Variants in KLHL29 observed in about 807,000 individuals in gnomAD.
KLHL29 encodes kelch like family member 29.
In KLHL29, 21 loss-of-function variants were observed where a neutral mutation model predicts 80.4. The observed-to-expected ratio is 0.26, with a 90% CI of 0.19 to 0.38. The LOEUF (loss-of-function observed/expected upper bound fraction) is 0.38, where lower values mean the gene tolerates loss of function less well. KLHL29 is among the 10% of genes least tolerant of loss of function. The pLI, the probability that KLHL29 is intolerant of heterozygous loss-of-function variation, is 1.00. For missense variants in KLHL29, 867 were observed against 1,223.9 expected, an observed-to-expected ratio of 0.71 and a Z score of 4.35; for synonymous variants, 511 against 526.8, an observed-to-expected ratio of 0.97 and a Z score of 0.41.
intron 3 of KLHL29, among the ~76,000 whole-genome samples, chr2:23,583,555 C>T (rs558640920): frequency 2.0e-5 from 3 of 152,358 alleles, no homozygotes; most frequent in Non-Finnish European, 4.4e-5. Flanking sequence ...TCCCATGTCC[C>T]TCTCAGAAGG....
At chr2:23,673,446 G>GTC (rs34914080) in intron 5 of KLHL29, among the ~76,000 whole-genome samples, 36,513 of 149,700 alleles carry the variant, frequency 0.24, 4,893 homozygotes, top group South Asian at 0.37. Flanking sequence ...ACCACATGCT[G>GTC]TCTCTCTCAC....
At position 23,634,510 on chromosome 2, in the gene KLHL29, C is replaced by T. The variant is rs1056156437; in HGVS notation, c.286-4629C>T. ...CTTCTCGAGGCTTCATTGATTCACC[C>T]TCTTCTGACATCCTTGGGCAAACAG... On this transcript the variant is annotated intron_variant, in intron 3 of 13. Transcript: ENST00000486442. Among the ~76,000 whole-genome samples the T allele has an allele frequency of 2.0e-5, 3 of 152,192 alleles. No individual in the cohort carries two copies. In the East Asian group the frequency reaches 5.8e-4, roughly 29 times the overall value.
intron 5 of KLHL29, among the ~76,000 whole-genome samples, chr2:23,673,433 C>T (rs921737567): frequency 1.4e-5 from 2 of 147,296 alleles, no homozygotes; most frequent in Non-Finnish European, 3.0e-5. Flanking sequence ...TACACACCCC[C>T]ACACCACATG....
At chr2:23,687,794 T>C (rs374114316) in intron 6 of KLHL29, among the ~76,000 whole-genome samples, 1 of 152,124 alleles carries the variant, frequency 6.6e-6, no homozygotes, top group East Asian at 1.9e-4. Flanking sequence ...TCCACGTTGC[T>C]GCAGGGCCGG....
intron 3 of KLHL29, among the ~76,000 whole-genome samples, chr2:23,633,170 G>T (rs914348612): frequency 1.3e-5 from 2 of 152,196 alleles, no homozygotes; most frequent in African/African-American, 4.8e-5. Context: ...TGAAGGTCCG[G>T]GTACAGGGAG....
chr2:23,617,018 A>G (rs1259501542), intron 3 of KLHL29: 1 of 152,252 alleles, frequency 6.6e-6, no homozygotes, highest in African/African-American at 2.4e-5. Context: ...CTGGTGAAAT[A>G]GAAGAATCCT....
intron 1 of KLHL29, among the ~76,000 whole-genome samples, chr2:23,434,817 C>G (rs1663292741): frequency 6.6e-6 from 1 of 152,098 alleles, no homozygotes; most frequent in South Asian, 2.1e-4. Flanking sequence ...GCAGTCAGTC[C>G]AGCTGTGAGC....
intron 8 of KLHL29, among the ~76,000 whole-genome samples, chr2:23,693,909 G>A (rs1411979630): frequency 6.6e-6 from 1 of 152,226 alleles, no homozygotes; most frequent in Admixed American, 6.5e-5. Context: ...CAGGAAGAGG[G>A]AGAGTGAGGT....
intron 5 of KLHL29, chr2:23,667,907 G>C (rs965115943): frequency 2.7e-4 from 41 of 152,478 alleles, no homozygotes; most frequent in African/African-American, 9.6e-4. Context: ...TTCCAGGCCA[G>C]GAGCGGGCCA....
At chr2:23,404,600 G>A (rs974014466) in intron 1 of KLHL29, among the ~76,000 whole-genome samples, 3 of 152,164 alleles carry the variant, frequency 2.0e-5, no homozygotes, top group East Asian at 1.9e-4. Context: ...CTGTAAAAAC[G>A]ATTTGTTTTC....
intron 1 of KLHL29, among the ~76,000 whole-genome samples, chr2:23,469,401 A>G (rs1425871249): frequency 3.0e-4 from 46 of 152,196 alleles, no homozygotes; most frequent in Non-Finnish European, 2.9e-5. Context: ...GCCCTGCCTC[A>G]TGGGGTTCGT....
Position 23,397,236 on chromosome 2 carries a change from A to G in KLHL29, c.-154+11456A>G, listed in dbSNP as rs192967670. Among the ~76,000 whole-genome samples, 307 of 152,318 alleles carry G rather than the reference A, an allele frequency of 2.0e-3. 2 individuals carry two copies. The highest frequency in any genetic ancestry group is 7.3e-3 in the African/African-American group (304 of 41,594). On this transcript the variant is annotated intron_variant, in intron 1 of 13. Transcript: ENST00000486442. Reference sequence around the variant, plus strand: ...CTCCTGTGGCAGGGGCTCCAGCCCCAGTTCTAGATGAGGGCTGTAGTGATG... The same window carrying G: ...CTCCTGTGGCAGGGGCTCCAGCCCCGGTTCTAGATGAGGGCTGTAGTGATG...
chr2:23,564,954 C>T (rs561025359), intron 3 of KLHL29, among the ~76,000 whole-genome samples: 1 of 152,322 alleles, frequency 6.6e-6, no homozygotes, highest in African/African-American at 2.4e-5. Context: ...TCCCTTCTAC[C>T]GCTTGCTATC....
chr2:23,529,400 C>A (rs889708698), intron 2 of KLHL29, among the ~76,000 whole-genome samples: 4 of 152,330 alleles, frequency 2.6e-5, no homozygotes, highest in African/African-American at 9.6e-5. Context: ...CAGGCATGAG[C>A]CCCTGCAGCT....
At chr2:23,488,636 T>C (rs1665000959) in intron 2 of KLHL29, among the ~76,000 whole-genome samples, 1 of 152,220 alleles carries the variant, frequency 6.6e-6, no homozygotes, top group Non-Finnish European at 1.5e-5. Context: ...CCAGGAAGAA[T>C]TGCAGGAGAC....
At chr2:23,499,412 G>C (rs866491406) in intron 2 of KLHL29, among the ~76,000 whole-genome samples, 1 of 152,286 alleles carries the variant, frequency 6.6e-6, no homozygotes, top group Non-Finnish European at 1.5e-5. Context: ...CCTGGCTTCT[G>C]TGGGTGTGAG....
chr2:23,415,346 G>A (rs1249683302), intron 1 of KLHL29, among the ~76,000 whole-genome samples: 2 of 152,218 alleles, frequency 1.3e-5, no homozygotes, highest in Non-Finnish European at 2.9e-5. Context: ...TGCCCAGGAA[G>A]GAAAGGTGTT....
chr2:23,592,539 A>C (rs1668294585), intron 3 of KLHL29, among the ~76,000 whole-genome samples: 1 of 152,230 alleles, frequency 6.6e-6, no homozygotes, highest in Non-Finnish European at 1.5e-5. Context: ...CTCCAGGAGC[A>C]CAGAGATGTG....
chr2:23,593,137 T>G (rs1668310799), intron 3 of KLHL29, among the ~76,000 whole-genome samples: 1 of 152,202 alleles, frequency 6.6e-6, no homozygotes, highest in Non-Finnish European at 1.5e-5. Flanking sequence ...CCGGGAGTCC[T>G]TGGGCTGGAG....
Sources: gnomAD v4.1 joint callset for allele counts (sites outside exome capture counted in the v4.1 genomes callset) on GRCh38, gnomAD v4.1.1 for gene constraint, MANE v1.5 for transcripts, NCBI Gene and HGNC (gene_info 2026-07-23, HGNC 2026-07-21) for gene names.